NXPH2: variants seen among roughly 807,000 people sequenced by gnomAD.
NXPH2 encodes the protein neurexophilin 2.
A neutral mutation model predicts 19.8 loss-of-function variants in NXPH2; 5 were observed. That is an observed-to-expected ratio of 0.25 (90% CI 0.13 to 0.53). NXPH2 has a LOEUF of 0.53. Ranked by LOEUF, NXPH2 falls within the 20% of genes least tolerant of loss-of-function variation. The pLI is 0.96. For synonymous variants in NXPH2, 154 were observed against 127.4 expected (o/e 1.21, Z -1.41); for missense variants, 289 against 322.8 (o/e 0.90, Z 0.80).
In NXPH2 at chr2:138,670,321, C is replaced by T. The variant is rs1359425130; in HGVS notation, c.*601G>A. 1.3e-5 allele frequency among the ~76,000 whole-genome samples: 2 copies of T among 152,320 alleles called. No homozygotes were observed. The highest frequency in any genetic ancestry group is 2.1e-4 in the South Asian group (1 of 4,826). ...AGTGCTCAAATCACATTCCACGCAACTGTAGCTCAGATGATAAGGAACTTG... is the reference window on the plus strand; with the variant it reads ...AGTGCTCAAATCACATTCCACGCAATTGTAGCTCAGATGATAAGGAACTTG... On this transcript the variant is annotated 3_prime_UTR_variant, in exon 2 of 2. Transcript: ENST00000272641.
At chr2:138,749,400 A>G (rs1359916538) in intron 1 of NXPH2, among the ~76,000 whole-genome samples, 1 of 152,130 alleles carries the variant, frequency 6.6e-6, no homozygotes, top group Non-Finnish European at 1.5e-5. Context: ...TATTAATGAT[A>G]ATACCTTACA....
chr2:138,689,823 CT>C (rs1680719542), intron 1 of NXPH2, among the ~76,000 whole-genome samples: 1 of 152,158 alleles, frequency 6.6e-6, no homozygotes, highest in East Asian at 1.9e-4. Flanking sequence ...AACTCATCGA[CT>C]TGCTGATTAA....
intron 1 of NXPH2, among the ~76,000 whole-genome samples, chr2:138,728,792 A>G (rs942678125): frequency 6.6e-6 from 1 of 152,216 alleles, no homozygotes; most frequent in African/African-American, 2.4e-5. Context: ...ATAGAGTAAA[A>G]TGGCACACAT....
At chr2:138,688,212 C>A (rs1048476429) in intron 1 of NXPH2, among the ~76,000 whole-genome samples, 3 of 152,148 alleles carry the variant, frequency 2.0e-5, no homozygotes, top group Admixed American at 2.0e-4. Context: ...GAGATGGAGT[C>A]TTGCTCTGTT....
intron 1 of NXPH2, among the ~76,000 whole-genome samples, chr2:138,755,027 C>T (rs143373438): frequency 6.6e-6 from 1 of 152,214 alleles, no homozygotes; most frequent in East Asian, 1.9e-4. Flanking sequence ...GATTAGGTAT[C>T]AGATCTTTTG....
rs74836771 is a variant in NXPH2, at chr2:138,683,156, C to A, written c.52-11491G>T. On this transcript the variant is annotated intron_variant, in intron 1 of 1. Coordinates refer to ENST00000272641, the MANE Select transcript of NXPH2 (RefSeq NM_007226.3). ...TCAATACAAGTTTTGCGAAGTCAAA[C>A]AAGGTATTCTTTTGATAATCTAGTA... Among the ~76,000 whole-genome samples, 391 of 152,150 alleles carry A rather than the reference C, an allele frequency of 2.6e-3. 12 individuals are homozygous for A. The East Asian group carries it at 0.069, about 27-fold the overall frequency.
chr2:138,723,489 C>A (rs1681310860), intron 1 of NXPH2, among the ~76,000 whole-genome samples: 1 of 152,064 alleles, frequency 6.6e-6, no homozygotes, highest in African/African-American at 2.4e-5. Flanking sequence ...TATGTTAAGC[C>A]AACTGTGAGG....
Position 138,776,853 on chromosome 2 carries a change from T to C in NXPH2, c.51+3338A>G, listed in dbSNP as rs189299671. 4.0e-4 allele frequency among the ~76,000 whole-genome samples: 61 copies of C among 152,108 alleles called. No individual in the cohort carries two copies. In the East Asian group the frequency reaches 0.011, roughly 28 times the overall value. On this transcript the variant is annotated intron_variant, in intron 1 of 1. Coordinates refer to ENST00000272641, the MANE Select transcript of NXPH2 (RefSeq NM_007226.3). ...TTTTAATGTAAGTACCCTTAATAAATTATGTGGTACTAAAAAGATGAACTT... is the reference window on the plus strand; with the variant it reads ...TTTTAATGTAAGTACCCTTAATAAACTATGTGGTACTAAAAAGATGAACTT...
intron 1 of NXPH2, among the ~76,000 whole-genome samples, chr2:138,686,518 C>G (rs142322946): frequency 4.0e-5 from 6 of 151,840 alleles, no homozygotes; most frequent in African/African-American, 1.2e-4. Flanking sequence ...GATTGATGCA[C>G]AAAAAGTTGT....
intron 1 of NXPH2, among the ~76,000 whole-genome samples, chr2:138,706,663 G>A (rs1214212245): frequency 1.3e-5 from 2 of 152,158 alleles, no homozygotes; most frequent in Non-Finnish European, 2.9e-5. Context: ...TGTAATCCCA[G>A]CACTTTTGGA....
At chr2:138,687,618 C>T (rs1243964173) in intron 1 of NXPH2, among the ~76,000 whole-genome samples, 2 of 152,138 alleles carry the variant, frequency 1.3e-5, no homozygotes, top group Admixed American at 6.5e-5. Context: ...GACATGAAGT[C>T]CTTGCCCATG....
At chr2:138,764,471 C>T (rs967015533) in intron 1 of NXPH2, among the ~76,000 whole-genome samples, 6 of 152,092 alleles carry the variant, frequency 3.9e-5, no homozygotes, top group African/African-American at 1.2e-4. Flanking sequence ...TCTCAATTTG[C>T]AGAAAGAAGA....
intron 1 of NXPH2, among the ~76,000 whole-genome samples, chr2:138,745,493 CGGGG>C (rs56011084): frequency 0.012 from 1,092 of 90,242 alleles, 31 homozygotes; most frequent in East Asian, 0.033. Context: ...CTTTTTTTGG[CGGGG>C]GGGGGGGGGT....
At chr2:138,709,021 G>T (rs1681058217) in intron 1 of NXPH2, among the ~76,000 whole-genome samples, 1 of 152,132 alleles carries the variant, frequency 6.6e-6, no homozygotes, top group Admixed American at 6.5e-5. Context: ...CAAACAAAAA[G>T]CTTCAGAAAC....
intron 1 of NXPH2, among the ~76,000 whole-genome samples, chr2:138,766,634 A>C (rs755456152): frequency 1.8e-4 from 27 of 152,140 alleles, no homozygotes; most frequent in Non-Finnish European, 3.1e-4. Context: ...CCACTTCCAG[A>C]AGTCAACTCA....
chr2:138,753,827 A>G (rs989890384), intron 1 of NXPH2, among the ~76,000 whole-genome samples: 1 of 152,156 alleles, frequency 6.6e-6, no homozygotes, highest in African/African-American at 2.4e-5. Context: ...TGACACAAGA[A>G]TTGTTAACCT....
At chr2:138,744,888 T>C (rs887920828) in intron 1 of NXPH2, among the ~76,000 whole-genome samples, 2 of 152,208 alleles carry the variant, frequency 1.3e-5, no homozygotes, top group African/African-American at 4.8e-5. Context: ...CATGCCCACA[T>C]GCTGTGGAAA....
At chr2:138,749,211 CTT>C (rs1681789482) in intron 1 of NXPH2, among the ~76,000 whole-genome samples, 1 of 152,120 alleles carries the variant, frequency 6.6e-6, no homozygotes, top group Admixed American at 6.6e-5. Flanking sequence ...TTTGCTCACT[CTT>C]CTCTCTCCTG....
At chr2:138,756,364 T>C (rs1437394522) in intron 1 of NXPH2, among the ~76,000 whole-genome samples, 1 of 152,122 alleles carries the variant, frequency 6.6e-6, no homozygotes, top group Non-Finnish European at 1.5e-5. Context: ...CTCTAAGATT[T>C]TTCAGCACCA....
Sources: gnomAD v4.1 joint callset for allele counts (sites outside exome capture counted in the v4.1 genomes callset) on GRCh38, gnomAD v4.1.1 for gene constraint, MANE v1.5 for transcripts, NCBI Gene and HGNC (gene_info 2026-07-23, HGNC 2026-07-21) for gene names.